The following CCDC14 variants were observed in gnomAD, a reference collection of about 807,000 sequenced individuals.
CCDC14 encodes coiled-coil domain containing 14, also known as coiled-coil domain-containing protein 14.
A neutral mutation model predicts 81.4 loss-of-function variants in CCDC14; 71 were observed. The observed-to-expected ratio is 0.87, with a 90% CI of 0.72 to 1.06. CCDC14 has a LOEUF of 1.06. Ranked by LOEUF, CCDC14 falls within the 50% of genes least tolerant of loss-of-function variation. The probability of loss-of-function intolerance (pLI) is 0.00; values close to 1 mark genes in which losing one functional copy is unlikely to be tolerated. For missense variants in CCDC14, 1,046 were observed against 1,047.3 expected (o/e 1.00, Z 0.02); for synonymous variants, 332 against 364.8 (o/e 0.91, Z 1.03).
In CCDC14 at chr3:123,952,495, A is replaced by AT. The variant is rs531664385; in HGVS notation, c.352+3347dup. The AT allele has an allele frequency of 2.6e-3, 994 of 377,460 alleles. 11 individuals are homozygous for AT. The highest frequency in any genetic ancestry group is 0.019 in the African/African-American group (917 of 48,216). The allele number at this position is 377,460 out of a possible 1,614,324, so 23.4% of individuals were successfully genotyped here. On this transcript the variant is annotated intron_variant, in intron 5 of 12. Transcript: ENST00000409697. ...AAAGTTGCTTATTTAAAAAATACAT[A>AT]TTTTTTTTAAATGCCAGAAGCACTC...
chr3:123,952,969 C>T (rs1215733449), intron 5 of CCDC14: 2 of 166,560 alleles, frequency 1.2e-5, no homozygotes, highest in Non-Finnish European at 2.6e-5. Flanking sequence ...GAAGTAGGTC[C>T]TTCCTTCTGA....
In CCDC14 at chr3:123,931,414, A is replaced by G; in HGVS notation, c.1539T>C (p.Asn513=). 1 of 1,551,460 alleles carries G rather than the reference A, an allele frequency of 6.4e-7. No homozygotes were observed. The highest frequency in any genetic ancestry group is 8.7e-7 in the Non-Finnish European group (1 of 1,144,078). Reference sequence around the variant, plus strand: ...TAAATTTTTTGTTTTCATCTTTCTGATTTTCAATCACTTTTAACAGCTCTT... The same window carrying G: ...TAAATTTTTTGTTTTCATCTTTCTGGTTTTCAATCACTTTTAACAGCTCTT... ...KNEELLKVIE[N]QKDENKKFSS... Residue 513 remains asparagine, a synonymous_variant, in exon 11 of 13, where the codon AAT becomes AAC. Transcript: ENST00000409697.
At chr3:123,894,639 T>G (rs973747410), downstream of CCDC14, among the ~76,000 whole-genome samples, 2 of 152,250 alleles carry the variant, frequency 1.3e-5, no homozygotes, top group Non-Finnish European at 2.9e-5. Flanking sequence ...AGCAATAAGT[T>G]TTCACTGTAC....
intron 1 of CCDC14, 172 bp from the exon 2 acceptor site, chr3:123,956,967 C>CTA: frequency 2.2e-6 from 1 of 445,282 alleles, no homozygotes; most frequent in South Asian, 4.0e-5. Flanking sequence ...ACCCTAGCAA[C>CTA]TATCATCCTA....
intron 5 of CCDC14, among the ~76,000 whole-genome samples, chr3:123,898,670 C>T (rs963281470): frequency 1.3e-5 from 2 of 152,070 alleles, no homozygotes; most frequent in African/African-American, 4.8e-5. Context: ...TTGAATCCAG[C>T]ACTTGTGAAT....
chr3:123,936,899 ACT>A (rs944493486), intron 9 of CCDC14, among the ~76,000 whole-genome samples: 4 of 151,950 alleles, frequency 2.6e-5, no homozygotes, highest in African/African-American at 9.6e-5. Flanking sequence ...CCTTTTCATA[ACT>A]CTCTCCTCCC....
chr3:123,890,825 C>CT, the CCDC14 span, among the ~76,000 whole-genome samples: 1 of 152,164 alleles, frequency 6.6e-6, no homozygotes, highest in Middle Eastern at 3.2e-3. Flanking sequence ...CTAGGCAGTA[C>CT]CCTAGTAGGG....
chr3:123,901,445 CT>C (rs899214162), intron 5 of CCDC14, among the ~76,000 whole-genome samples: 17 of 147,870 alleles, frequency 1.1e-4, no homozygotes, highest in East Asian at 3.9e-4. Flanking sequence ...AAAAGTTGAA[CT>C]TTTTTTTTTA....
chr3:123,946,969 C>A lies in CCDC14; in HGVS notation c.1035G>T (p.Glu345Asp). 6.2e-7 allele frequency: 1 copy of A among 1,613,950 alleles called. No individual in the cohort carries two copies. Among genetic ancestry groups the A allele is most frequent in the Non-Finnish European group, 8.5e-7 (1 of 1,179,860 alleles). Residue 345 changes from glutamate to aspartate, a missense_variant, in exon 8 of 13, where the codon GAG becomes GAT. Transcript: ENST00000409697. ...LATNEEKCAR[E>D]QIREATSERK... is the part of the protein sequence containing the mutation. Reference sequence around the variant, plus strand: ...TTTCACTTGTGGCCTCTCTAATTTGCTCTCTGGCACATTTTTCTTCATTAG... The same window carrying A: ...TTTCACTTGTGGCCTCTCTAATTTGATCTCTGGCACATTTTTCTTCATTAG...
In CCDC14 at chr3:123,955,871, A is replaced by G; in HGVS notation, c.324T>C (p.Thr108=). ...GSKKKRHEKH[T]IPLVVQKETS... Reference sequence around the variant, plus strand: ...TTTCTTTCTGGACTACCAAAGGAATAGTATGTTTTTCATGTCTTTTCTTTT... The same window carrying G: ...TTTCTTTCTGGACTACCAAAGGAATGGTATGTTTTTCATGTCTTTTCTTTT... The change falls in exon 5 of 13, where the codon ACT becomes ACC. Residue 108 remains threonine (T), a synonymous_variant. Transcript: ENST00000409697. 6.5e-7 allele frequency: 1 copy of G among 1,533,204 alleles called. No individual in the cohort carries two copies. The highest frequency in any genetic ancestry group is 1.2e-5 in the South Asian group (1 of 80,784). 95.0% of individuals were successfully genotyped at this position (1,533,204 alleles called of 1,614,324 possible).
chr3:123,942,691 G>C (rs532876860), intron 9 of CCDC14, among the ~76,000 whole-genome samples: 1 of 151,972 alleles, frequency 6.6e-6, no homozygotes, highest in South Asian at 2.1e-4. Flanking sequence ...GGGCACATTC[G>C]CATTGCAGTG....
chr3:123,942,283 G>T (rs984063988), intron 9 of CCDC14, among the ~76,000 whole-genome samples: 5 of 151,986 alleles, frequency 3.3e-5, no homozygotes, highest in African/African-American at 1.2e-4. Context: ...GATATAAAGA[G>T]GTGACACATA....
At chr3:123,927,536 C>T (rs968296959) in intron 12 of CCDC14, among the ~76,000 whole-genome samples, 2 of 152,168 alleles carry the variant, frequency 1.3e-5, no homozygotes, top group Admixed American at 6.5e-5. Flanking sequence ...TGTGCTAAGC[C>T]TTCCCATCAT....
chr3:123,937,908 GAA>G (rs1449966647), intron 9 of CCDC14, among the ~76,000 whole-genome samples: 2 of 151,592 alleles, frequency 1.3e-5, no homozygotes, highest in Non-Finnish European at 3.0e-5. Flanking sequence ...ACTATTTATT[GAA>G]AAGAGTATTC....
chr3:123,957,230 TTC>T (rs1559810347), intron 1 of CCDC14: 1 of 152,132 alleles, frequency 6.6e-6, no homozygotes, highest in Admixed American at 6.6e-5. Context: ...TATATTAAAT[TTC>T]TTTTATGTAA....
chr3:123,951,635 G>A (rs1220443821), intron 5 of CCDC14, among the ~76,000 whole-genome samples: 1 of 151,948 alleles, frequency 6.6e-6, no homozygotes, highest in Non-Finnish European at 1.5e-5. Context: ...ATTTCCTCTG[G>A]TCCTTAAGAA....
rs577372456 is a variant in CCDC14, at chr3:123,913,500, C to T, written c.*1279G>A. Reference sequence around the variant, plus strand: ...TGGCCTATTACCTCCAAATAAGATGCCAATAAATTAATTCATGAATACTAA... The same window carrying T: ...TGGCCTATTACCTCCAAATAAGATGTCAATAAATTAATTCATGAATACTAA... On this transcript the variant is annotated 3_prime_UTR_variant, in exon 13 of 13. Coordinates refer to ENST00000409697, the MANE Select transcript of CCDC14 (RefSeq NM_001366335.1). 2.9e-5 allele frequency: 28 copies of T among 980,092 alleles called. No homozygotes were observed. The highest frequency in any genetic ancestry group is 3.5e-5 in the African/African-American group (2 of 56,982). 60.7% of individuals were successfully genotyped at this position (980,092 alleles called of 1,614,324 possible).
chr3:123,905,550 G>GAA (rs1046061604), intron 5 of CCDC14, among the ~76,000 whole-genome samples: 2 of 150,784 alleles, frequency 1.3e-5, no homozygotes, highest in Admixed American at 6.6e-5. Flanking sequence ...TAGAGCTCAG[G>GAA]AAAAAAAAAG....
chr3:123,930,981 AAC>A, intron 12 of CCDC14, 119 bp downstream of exon 12: 1 of 855,346 alleles, frequency 1.2e-6, no homozygotes, highest in Admixed American at 3.5e-5. Context: ...AATTAGCAAA[AAC>A]ATTGGCAAAA....
Sources: allele counts gnomAD v4.1 joint callset (sites outside exome capture counted in the v4.1 genomes callset), GRCh38; gene constraint gnomAD v4.1.1; transcripts MANE v1.5; gene names NCBI Gene and HGNC (gene_info 2026-07-23, HGNC 2026-07-21).